ALG8: variants seen among roughly 807,000 people sequenced by gnomAD.
The protein encoded by ALG8 is ALG8 alpha-1,3-glucosyltransferase.
Under a neutral mutation model 70.2 loss-of-function variants are expected in ALG8, and 48 were observed. The observed-to-expected ratio is 0.68, with a 90% confidence interval of 0.54 to 0.87. The LOEUF is 0.87. Among genes scored for constraint, ALG8 ranks in the 40% least tolerant of loss-of-function variants. The pLI is 0.00. For synonymous variants in ALG8, 234 were observed against 229.0 expected (o/e 1.02, Z -0.20); for missense variants, 572 against 608.7 (o/e 0.94, Z 0.64).
Position 78,101,013 on chromosome 11 carries a change from T to C in ALG8, c.1532A>G (p.Tyr511Cys), listed in dbSNP as rs1174284944. 2 of 1,614,188 alleles carry C rather than the reference T, an allele frequency of 1.2e-6. No homozygotes were observed. The highest frequency in any genetic ancestry group is 1.7e-5 in the Admixed American group (1 of 60,014). Residue 511 changes from tyrosine (Y) to cysteine (C), a missense_variant, in exon 13 of 13, where the codon TAT (tyrosine) becomes TGT (cysteine). Physicochemically the swap from Tyr to Cys is radical, Grantham distance 194 (BLOSUM62 -2). Coordinates refer to ENST00000299626, the MANE Select transcript of ALG8 (RefSeq NM_024079.5). ...VGITYAWFKL[Y>C]VSVLIDSAIG... is the part of the protein sequence containing the mutation. ...AGCAGAGTCAATCAATACTGAAACA[T>C]ACAGTTTGAACCAAGCATATGTGAT...
At chr11:78,134,629 TC>T (rs748300532) in intron 1 of ALG8, among the ~76,000 whole-genome samples, 13 of 152,232 alleles carry the variant, frequency 8.5e-5, no homozygotes, top group Non-Finnish European at 1.8e-4. Context: ...TATATAATAT[TC>T]TAAATCCTTT....
intron 3 of ALG8, among the ~76,000 whole-genome samples, chr11:78,123,315 GAAAAAA>G (rs1220218900): frequency 0.011 from 965 of 88,578 alleles, 11 homozygotes; most frequent in African/African-American, 0.046. Flanking sequence ...GGAAAAAAAA[GAAAAAA>G]AAAAAAAAAA....
intron 12 of ALG8, among the ~76,000 whole-genome samples, chr11:78,102,536 CCT>C (rs1315322514): frequency 6.6e-6 from 1 of 152,030 alleles, no homozygotes; most frequent in Non-Finnish European, 1.5e-5. Context: ...CTGTTGAGTC[CCT>C]GTTTCCATTC....
intron 7 of ALG8, 119 bp downstream of exon 7, chr11:78,113,767 G>A (rs2136902272): frequency 1.3e-6 from 1 of 780,934 alleles, no homozygotes; most frequent in East Asian, 2.7e-5. Context: ...GAGTCACGTT[G>A]GGTAAGGAGT....
rs1439148912 is a variant in ALG8, at chr11:78,109,330, G to C, written c.1038+112C>G. ...TGCTTCAATCTGCAGAAGGATTACA[G>C]GCATGAAATTTATCCTACAGTTGGA... is the stretch of plus-strand genomic sequence containing the variant. On this transcript the variant is annotated intron_variant, in intron 9 of 12. Coordinates refer to ENST00000299626, the MANE Select transcript of ALG8 (RefSeq NM_024079.5). 2.1e-6 allele frequency: 3 copies of C among 1,396,984 alleles called. No homozygotes were observed. The East Asian group carries it at 7.0e-5, about 33-fold the overall frequency. 86.5% of individuals were successfully genotyped at this position (1,396,984 alleles called of 1,614,324 possible).
At chr11:78,138,703 T>C in intron 1 of ALG8, 1 of 456,268 alleles carries the variant, frequency 2.2e-6, no homozygotes, top group Non-Finnish European at 4.4e-6. Context: ...AAATACTGAG[T>C]ACCTACTGTA....
At chr11:78,120,237 C>T (rs185778244) in intron 4 of ALG8, among the ~76,000 whole-genome samples, 4 of 151,874 alleles carry the variant, frequency 2.6e-5, no homozygotes, top group Non-Finnish European at 5.9e-5. Flanking sequence ...CAGGTTTTTC[C>T]TACCTTTTCT....
chr11:78,134,462 A>C (rs893647994), intron 1 of ALG8, among the ~76,000 whole-genome samples: 7 of 152,214 alleles, frequency 4.6e-5, no homozygotes, highest in Non-Finnish European at 1.0e-4. Context: ...GCTTAAAATA[A>C]AACAACAATG....
intron 10 of ALG8, among the ~76,000 whole-genome samples, chr11:78,105,974 C>G (rs1860011498): frequency 6.6e-6 from 1 of 152,134 alleles, no homozygotes; most frequent in South Asian, 2.1e-4. Flanking sequence ...TCCGAAAGTA[C>G]TGGGATTGCA....
rs1042120807 is a variant in ALG8, at chr11:78,139,569, G to A, written c.20C>T (p.Ala7Val). Residue 7 changes from alanine to valine, a missense_variant, in exon 1 of 13, where the codon GCC becomes GTC. By Grantham distance (64) the Ala-to-Val change is moderately conservative (BLOSUM62 0). Coordinates refer to ENST00000299626, the MANE Select transcript of ALG8 (RefSeq NM_024079.5). ...CGAAAACCAATTGCCAGTACCCGTG[G>A]CAATTGTGAGCGCCGCCATTGCTGC... MAALTI[A>V]TGTGNWFSAL... 3 of 1,557,282 alleles carry A rather than the reference G, an allele frequency of 1.9e-6. No individual in the cohort carries two copies. Among genetic ancestry groups the A allele is most frequent in the Non-Finnish European group, 2.6e-6 (3 of 1,150,102 alleles).
At chr11:78,114,078 C>A in intron 6 of ALG8, 89 bp from the exon 7 acceptor site, 3 of 1,382,352 alleles carry the variant, frequency 2.2e-6, no homozygotes, top group East Asian at 2.5e-5. Flanking sequence ...AGAAGTATCC[C>A]ACAATAGTAT....
intron 1 of ALG8, among the ~76,000 whole-genome samples, chr11:78,128,210 T>C (rs970593441): frequency 3.9e-5 from 6 of 152,186 alleles, no homozygotes; most frequent in African/African-American, 9.7e-5. Flanking sequence ...TTCCCATCAC[T>C]ATACATATCT....
chr11:78,106,443 C>T (rs1375211766), intron 10 of ALG8, among the ~76,000 whole-genome samples: 1 of 152,142 alleles, frequency 6.6e-6, no homozygotes, highest in Non-Finnish European at 1.5e-5. Context: ...GTGATCTGCC[C>T]GCCTTGGCCT....
At chr11:78,104,945 CAG>C (rs1859950046) in intron 10 of ALG8, among the ~76,000 whole-genome samples, 1 of 148,322 alleles carries the variant, frequency 6.7e-6, no homozygotes, top group South Asian at 2.1e-4. Context: ...GCCTGGGCAA[CAG>C]AGCGAGACTC....
chr11:78,102,348 A>G (rs1859832164), intron 12 of ALG8, among the ~76,000 whole-genome samples: 1 of 152,192 alleles, frequency 6.6e-6, no homozygotes. Context: ...TCTTTCACTT[A>G]GCATGTTTTC....
At chr11:78,129,212 A>T (rs971456411) in intron 1 of ALG8, among the ~76,000 whole-genome samples, 1 of 151,842 alleles carries the variant, frequency 6.6e-6, no homozygotes, top group Non-Finnish European at 1.5e-5. Flanking sequence ...CGAGGTCAGG[A>T]GATCAAGACC....
At chr11:78,129,008 TACA>T (rs1317058496) in intron 1 of ALG8, among the ~76,000 whole-genome samples, 3 of 152,178 alleles carry the variant, frequency 2.0e-5, no homozygotes, top group Non-Finnish European at 4.4e-5. Context: ...TTGAATTTCC[TACA>T]GATATTTCAA....
chr11:78,135,860 A>G (rs1483724136), intron 1 of ALG8, among the ~76,000 whole-genome samples: 3 of 96,932 alleles, frequency 3.1e-5, no homozygotes, highest in African/African-American at 4.8e-5. Flanking sequence ...ACATAAATAA[A>G]TAAGAAAAAA....
chr11:78,115,732 C>T (rs535173625), intron 5 of ALG8, among the ~76,000 whole-genome samples: 9 of 152,252 alleles, frequency 5.9e-5, no homozygotes, highest in Admixed American at 5.2e-4. Flanking sequence ...TTCACTATTC[C>T]AACAAAGATT....
Sources: gnomAD v4.1 joint callset for allele counts (sites outside exome capture counted in the v4.1 genomes callset) on GRCh38, gnomAD v4.1.1 for gene constraint, MANE v1.5 for transcripts, NCBI Gene and HGNC (gene_info 2026-07-23, HGNC 2026-07-21) for gene names.